The following PDE3B variants were observed in gnomAD, a reference collection of about 807,000 sequenced individuals.
PDE3B encodes the protein phosphodiesterase 3B.
A neutral mutation model predicts 116.8 loss-of-function variants in PDE3B; 66 were observed. The ratio of observed to expected loss-of-function variants is 0.56; its 90% CI spans 0.46 to 0.69. The LOEUF (loss-of-function observed/expected upper bound fraction) is 0.69. Among genes scored for constraint, PDE3B ranks in the 30% least tolerant of loss-of-function variants. The probability of loss-of-function intolerance (pLI) is 0.00; values close to 1 mark genes in which losing one functional copy is unlikely to be tolerated. For synonymous variants in PDE3B, 595 were observed against 533.6 expected (o/e 1.12, Z -1.59); for missense variants, 1,384 against 1,368.1 (o/e 1.01, Z -0.18).
rs782453136 is a variant in PDE3B, at chr11:14,867,674, G to A, written c.3055G>A (p.Asp1019Asn). 1.6e-5 allele frequency: 26 copies of A among 1,613,994 alleles called. No homozygotes were observed. The highest frequency in any genetic ancestry group is 2.1e-5 in the Non-Finnish European group (25 of 1,179,898). ...AGGTCAGTGGTTAGAAGCAGAAGAG[G>A]ATAATGATACTGAAAGTGGTGATGA... ...LPGQWLEAEE[D>N]NDTESGDDED... The change falls in exon 15 of 16, where the codon GAT becomes AAT. Residue 1019 changes from aspartate (D) to asparagine (N), a missense_variant. This residue lies in a region of PDE3B where 428 missense variants were observed against 561.4 expected (regional missense o/e 0.76). Transcript: ENST00000282096.
At chr11:14,711,641 G>A (rs1374976700) in intron 1 of PDE3B, among the ~76,000 whole-genome samples, 1 of 152,084 alleles carries the variant, frequency 6.6e-6, no homozygotes, top group Non-Finnish European at 1.5e-5. Flanking sequence ...ATTATTGCAA[G>A]GATAGCACCA....
At chr11:14,894,194 A>T in the PDE3B span, among the ~76,000 whole-genome samples, 1 of 152,184 alleles carries the variant, frequency 6.6e-6, no homozygotes, top group African/African-American at 2.4e-5. Flanking sequence ...CTATTAAGAG[A>T]TACCTTAAAA....
At position 14,697,934 on chromosome 11, in the gene PDE3B, G is replaced by T. The variant is rs542185174; in HGVS notation, c.978+52881G>T. On this transcript the variant is annotated intron_variant, in intron 1 of 15. Transcript: ENST00000282096. ...TAAATTTGCTTATTCGTTGTAGTTG[G>T]TATATAATCATGTTACCTGTTTTCT... Among the ~76,000 whole-genome samples the T allele has an allele frequency of 1.3e-3, 195 of 152,018 alleles. 1 individual carries two copies. The highest frequency in any genetic ancestry group is 2.5e-3 in the Non-Finnish European group (168 of 67,940).
intron 1 of PDE3B, chr11:14,674,043 G>A: frequency 6.6e-7 from 1 of 1,507,494 alleles, no homozygotes. Flanking sequence ...TTAAGTCCCA[G>A]TCATCAACAA....
chr11:14,733,118 C>T (rs1479640575), intron 1 of PDE3B, among the ~76,000 whole-genome samples: 2 of 152,124 alleles, frequency 1.3e-5, no homozygotes, highest in African/African-American at 4.8e-5. Context: ...AAATGGCATT[C>T]AGATTCCCGT....
At position 14,827,040 on chromosome 11, in the gene PDE3B, A is replaced by T. The variant is rs188228216; in HGVS notation, c.1808-3658A>T. Among the ~76,000 whole-genome samples the T allele has an allele frequency of 1.0e-3, 154 of 152,386 alleles. 1 individual carries two copies. Among genetic ancestry groups the T allele is most frequent in the Non-Finnish European group, 1.7e-3 (114 of 68,038 alleles). ...ATATGCAAATCAGTCAACCTGATTC[A>T]TCACATAAACAGAACTAAAGACAAA... On this transcript the variant is annotated intron_variant, in intron 7 of 15. Coordinates refer to ENST00000282096, the MANE Select transcript of PDE3B (RefSeq NM_000922.4).
At chr11:14,766,841 A>G (rs1182926089) in intron 1 of PDE3B, among the ~76,000 whole-genome samples, 1 of 151,726 alleles carries the variant, frequency 6.6e-6, no homozygotes, top group Non-Finnish European at 1.5e-5. Flanking sequence ...TAGGAAAAAA[A>G]ATCATGTTTT....
At chr11:14,825,139 G>C (rs894845072) in intron 7 of PDE3B, among the ~76,000 whole-genome samples, 3 of 152,084 alleles carry the variant, frequency 2.0e-5, no homozygotes, top group Non-Finnish European at 4.4e-5. Context: ...ATCTTGAAAA[G>C]AGCACTAAAT....
intron 1 of PDE3B, among the ~76,000 whole-genome samples, chr11:14,756,508 C>G (rs2133881523): frequency 6.6e-6 from 1 of 152,286 alleles, no homozygotes; most frequent in African/African-American, 2.4e-5. Flanking sequence ...CTACAAATAC[C>G]TTGACCTCAT....
chr11:14,703,979 T>C (rs964898935), intron 1 of PDE3B, among the ~76,000 whole-genome samples: 1 of 151,902 alleles, frequency 6.6e-6, no homozygotes, highest in Middle Eastern at 3.4e-3. Flanking sequence ...TTTTTCTTCC[T>C]TAAATCTTTT....
intron 1 of PDE3B, among the ~76,000 whole-genome samples, chr11:14,721,915 TA>T (rs1856110822): frequency 7.6e-6 from 1 of 131,514 alleles, no homozygotes; most frequent in Non-Finnish European, 1.6e-5. Flanking sequence ...CCCTAAAACT[TA>T]AAGTATAATT....
chr11:14,768,589 T>G (rs1857557759), intron 1 of PDE3B, among the ~76,000 whole-genome samples: 1 of 151,522 alleles, frequency 6.6e-6, no homozygotes, highest in South Asian at 2.1e-4. Flanking sequence ...TATGAATACA[T>G]CAAAATTTTT....
At chr11:14,656,628 A>G (rs1391992784) in intron 1 of PDE3B, among the ~76,000 whole-genome samples, 2 of 152,164 alleles carry the variant, frequency 1.3e-5, no homozygotes, top group African/African-American at 2.4e-5. Flanking sequence ...CTCTGTGTAT[A>G]AATTAGGGGT....
chr11:14,856,020 C>T (rs1435800214), intron 12 of PDE3B, among the ~76,000 whole-genome samples: 1 of 152,202 alleles, frequency 6.6e-6, no homozygotes, highest in Non-Finnish European at 1.5e-5. Flanking sequence ...TCACCCAAAT[C>T]TCATCTCAAA....
intron 1 of PDE3B, among the ~76,000 whole-genome samples, chr11:14,724,733 G>A (rs1209142839): frequency 2.6e-5 from 4 of 152,162 alleles, no homozygotes; most frequent in South Asian, 2.1e-4. Flanking sequence ...TGATGTAATG[G>A]TTAAGAATGC....
intron 1 of PDE3B, among the ~76,000 whole-genome samples, chr11:14,680,910 C>T (rs1854685212): frequency 1.3e-5 from 2 of 151,846 alleles, no homozygotes; most frequent in African/African-American, 4.8e-5. Context: ...GCATATAAAC[C>T]CTGTTGACTT....
intron 2 of PDE3B, chr11:14,772,190 G>A (rs915562874): frequency 2.1e-5 from 6 of 281,754 alleles, no homozygotes; most frequent in African/African-American, 1.1e-4. Context: ...AAGGGAAAAA[G>A]AAAATGATAA....
downstream of PDE3B, among the ~76,000 whole-genome samples, chr11:14,876,425 A>C (rs1848190028): frequency 6.6e-6 from 1 of 152,178 alleles, no homozygotes; most frequent in South Asian, 2.1e-4. Flanking sequence ...CAGACACTAT[A>C]GTTGGTCTTC....
intron 1 of PDE3B, among the ~76,000 whole-genome samples, chr11:14,718,771 A>G (rs1458989098): frequency 4.1e-5 from 6 of 144,716 alleles, no homozygotes; most frequent in Admixed American, 6.9e-5. Context: ...CATTCAAAGC[A>G]GTGTGTAGAG....
Sources: gnomAD v4.1 joint callset for allele counts (sites outside exome capture counted in the v4.1 genomes callset) on GRCh38, gnomAD v4.1.1 for gene constraint, gnomAD v4.1.1 regional missense constraint, MANE v1.5 for transcripts, NCBI Gene and HGNC (gene_info 2026-07-23, HGNC 2026-07-21) for gene names.